AMZ1: variants seen among roughly 807,000 people sequenced by gnomAD.
The protein encoded by AMZ1 is archaelysin family metallopeptidase 1.
Under a neutral mutation model 29.9 loss-of-function variants are expected in AMZ1, and 39 were observed. The observed-to-expected ratio is 1.30, with a 90% CI of 1.01 to 1.70. AMZ1 has a LOEUF of 1.70. Among genes scored for constraint, AMZ1 ranks in the 40% most tolerant of loss-of-function variants. The pLI, the probability that AMZ1 is intolerant of heterozygous loss-of-function variation, is 0.00. For missense variants in AMZ1, 1,041 were observed against 680.6 expected, an observed-to-expected ratio of 1.53 and a Z score of -5.89; for synonymous variants, 458 against 304.0, an observed-to-expected ratio of 1.51 and a Z score of -5.27.
At chr7:2,737,960 G>C (rs993329045) in intron 4 of AMZ1, among the ~76,000 whole-genome samples, 1 of 152,130 alleles carries the variant, frequency 6.6e-6, no homozygotes, top group Non-Finnish European at 1.5e-5. Flanking sequence ...CTCAGTGAAC[G>C]CCTGTGACAT....
At chr7:2,681,033 C>A (rs143508640) in intron 1 of AMZ1, among the ~76,000 whole-genome samples, 204 of 152,324 alleles carry the variant, frequency 1.3e-3, no homozygotes, top group East Asian at 4.1e-3. Context: ...CGCTGAGCAC[C>A]GACTGTTTGC....
In AMZ1 at chr7:2,719,341, G is replaced by A. The variant is rs1373903165; in HGVS notation, c.*6463G>A. ...ATGTCTGTCACGGACCCCCAAGCAG[G>A]AGCAATGCCTAAAGAGGGCAAAGGC... On this transcript the variant is annotated 3_prime_UTR_variant, in exon 7 of 7. Coordinates refer to ENST00000683327, the MANE Select transcript of AMZ1 (RefSeq NM_001384743.1). Among the ~76,000 whole-genome samples the A allele has an allele frequency of 3.9e-5, 6 of 152,184 alleles. No individual in the cohort carries two copies. The highest frequency in any genetic ancestry group is 3.9e-4 in the Admixed American group (6 of 15,276).
At position 2,701,212 on chromosome 7, in the gene AMZ1, C is replaced by T. The variant is rs984934336; in HGVS notation, c.304+457C>T. ...TGCCACTGCATTCCAGCCTGGGTGA[C>T]GGAGTGAGACTGTCTCAAAAAAAAA... On this transcript the variant is annotated intron_variant, in intron 2 of 6. Coordinates refer to ENST00000683327, the MANE Select transcript of AMZ1 (RefSeq NM_001384743.1). Among the ~76,000 whole-genome samples the T allele has an allele frequency of 6.7e-5, 10 of 150,246 alleles. No homozygotes were observed. In the South Asian group the frequency reaches 1.1e-3, roughly 16 times the overall value.
chr7:2,752,765 C>G (rs1315807209), intron 4 of AMZ1, among the ~76,000 whole-genome samples: 1 of 152,114 alleles, frequency 6.6e-6, no homozygotes, highest in African/African-American at 2.4e-5. Flanking sequence ...ATTATAGATG[C>G]ATAGGAAGTT....
At chr7:2,721,935 C>G (rs1434248635), downstream of AMZ1, among the ~76,000 whole-genome samples, 1 of 152,246 alleles carries the variant, frequency 6.6e-6, no homozygotes, top group Non-Finnish European at 1.5e-5. Context: ...TAACCTCGTA[C>G]ACTGTATTCG....
chr7:2,708,433 G>C (rs905166842), intron 3 of AMZ1, among the ~76,000 whole-genome samples, 155 bp from the exon 4 acceptor site: 3 of 152,056 alleles, frequency 2.0e-5, no homozygotes, highest in African/African-American at 7.2e-5. Context: ...AGTACTGTGT[G>C]CCCTCAGGTC....
downstream of AMZ1, among the ~76,000 whole-genome samples, chr7:2,724,544 C>A (rs1026010646): frequency 6.6e-5 from 10 of 152,182 alleles, 1 homozygote; most frequent in African/African-American, 9.6e-5. Context: ...CTGCACCCTC[C>A]CACCCCACCC....
chr7:2,762,115 C>A (rs1262865268), upstream of AMZ1: 1 of 153,024 alleles, frequency 6.5e-6, no homozygotes, highest in Non-Finnish European at 1.5e-5. Flanking sequence ...GGCAGAGAAA[C>A]CTGTGAAAAC....
At chr7:2,732,677 C>A (rs1789960702) in intron 4 of AMZ1, among the ~76,000 whole-genome samples, 2 of 152,214 alleles carry the variant, frequency 1.3e-5, no homozygotes, top group African/African-American at 4.8e-5. Context: ...AGAGGTCTGA[C>A]TACCACCCAC....
intron 4 of AMZ1, among the ~76,000 whole-genome samples, chr7:2,744,147 C>G (rs1790648400): frequency 6.6e-6 from 1 of 152,202 alleles, no homozygotes; most frequent in Non-Finnish European, 1.5e-5. Flanking sequence ...TTAAATGTCC[C>G]CGTCTGACAG....
chr7:2,689,515 C>T (rs572186695), intron 1 of AMZ1, among the ~76,000 whole-genome samples: 11 of 152,310 alleles, frequency 7.2e-5, no homozygotes, highest in African/African-American at 1.9e-4. Flanking sequence ...GACGTCCTAC[C>T]CCCTGTCCCC....
At chr7:2,709,942 A>G (rs913008394) in intron 6 of AMZ1, 126 bp downstream of exon 6, 22 of 1,326,500 alleles carry the variant, frequency 1.7e-5, no homozygotes, top group Non-Finnish European at 2.1e-5. Context: ...GGTTCCAGGC[A>G]GTGCAGAGCC....
At chr7:2,697,684 T>A (rs1787826174) in intron 1 of AMZ1, among the ~76,000 whole-genome samples, 1 of 152,096 alleles carries the variant, frequency 6.6e-6, no homozygotes, top group South Asian at 2.1e-4. Flanking sequence ...CTCAGCCTCC[T>A]GAAGTGCTGG....
intron 4 of AMZ1, among the ~76,000 whole-genome samples, chr7:2,756,714 G>A (rs533582022): frequency 1.3e-5 from 2 of 152,306 alleles, no homozygotes; most frequent in South Asian, 2.1e-4. Flanking sequence ...GATGACAGAC[G>A]CCCCTGTCTT....
At chr7:2,683,423 G>T (rs922655197), upstream of AMZ1, among the ~76,000 whole-genome samples, 6 of 151,194 alleles carry the variant, frequency 4.0e-5, no homozygotes, top group Non-Finnish European at 5.9e-5. Context: ...CTGTTTTTTT[G>T]TTTGTTTGTT....
chr7:2,709,998 G>T lies in AMZ1; in HGVS notation c.948+182G>T, dbSNP rs186838452. On this transcript the variant is annotated intron_variant, in intron 6 of 6. Transcript: ENST00000683327. ...GAGCTCCATCCGGATCTCACTGGCA[G>T]TAGATCGAGTCCTGCCAGGGCCCGC... 1.3e-3 allele frequency among the ~76,000 whole-genome samples: 202 copies of T among 152,364 alleles called. 1 individual carries two copies. Among genetic ancestry groups the T allele is most frequent in the African/African-American group, 4.4e-3 (184 of 41,590 alleles).
upstream of AMZ1, chr7:2,763,230 A>C: frequency 1.3e-5 from 5 of 370,384 alleles, no homozygotes; most frequent in Non-Finnish European, 1.6e-5. Flanking sequence ...ACACACACAC[A>C]CGGTCTCAAC....
chr7:2,752,359 C>T (rs1041146785), intron 4 of AMZ1, among the ~76,000 whole-genome samples: 1 of 152,172 alleles, frequency 6.6e-6, no homozygotes, highest in South Asian at 2.1e-4. Flanking sequence ...CCACTGAGTA[C>T]TTTCACCCTA....
upstream of AMZ1, chr7:2,762,403 C>A (rs1213958317): frequency 8.7e-6 from 4 of 461,444 alleles, no homozygotes; most frequent in Non-Finnish European, 1.5e-5. Context: ...ACTGAGGAAA[C>A]CAAAGCTTAG....
Sources: gnomAD v4.1 joint callset for allele counts (sites outside exome capture counted in the v4.1 genomes callset) on GRCh38, gnomAD v4.1.1 for gene constraint, MANE v1.5 for transcripts, NCBI Gene and HGNC (gene_info 2026-07-23, HGNC 2026-07-21) for gene names.